ZMAT4: variants seen among roughly 807,000 people sequenced by gnomAD.
ZMAT4 encodes zinc finger matrin-type protein 4.
Under a neutral mutation model 28.7 loss-of-function variants are expected in ZMAT4, and 17 were observed. That is an observed-to-expected ratio of 0.59 (90% confidence interval 0.41 to 0.89). The LOEUF (loss-of-function observed/expected upper bound fraction) is 0.89. ZMAT4 is among the 40% of genes least tolerant of loss of function. The probability of loss-of-function intolerance (pLI) is 0.00; values close to 1 mark genes in which losing one functional copy is unlikely to be tolerated. For synonymous variants in ZMAT4, 117 were observed against 109.2 expected (o/e 1.07, Z -0.44); for missense variants, 240 against 283.8 (o/e 0.85, Z 1.11).
At chr8:40,571,337 T>C (rs1447615056) in intron 6 of ZMAT4, among the ~76,000 whole-genome samples, 2 of 152,252 alleles carry the variant, frequency 1.3e-5, no homozygotes, top group East Asian at 1.9e-4. Flanking sequence ...ATTGCCTATG[T>C]ATTAGTGCTG....
At position 40,566,528 on chromosome 8, in the gene ZMAT4, G is replaced by A. The variant is rs1313094947; in HGVS notation, c.674+14637C>T. On this transcript the variant is annotated intron_variant, in intron 6 of 6. Coordinates refer to ENST00000297737, the MANE Select transcript of ZMAT4 (RefSeq NM_024645.3). ...GACCTGATCTCTCCTTTCCATGGGA[G>A]GTGCATTTTTACTTTCAGGACTCTC... 2.0e-5 allele frequency among the ~76,000 whole-genome samples: 3 copies of A among 152,014 alleles called. No individual in the cohort carries two copies. In the East Asian group the frequency reaches 5.8e-4, roughly 29 times the overall value.
At chr8:40,788,389 C>T (rs947257111) in intron 2 of ZMAT4, among the ~76,000 whole-genome samples, 2 of 152,226 alleles carry the variant, frequency 1.3e-5, no homozygotes, top group South Asian at 4.1e-4. Flanking sequence ...TCGAGATCAT[C>T]CTGGCTAACA....
At chr8:40,719,814 G>GC (rs1156333731) in intron 3 of ZMAT4, among the ~76,000 whole-genome samples, 3 of 151,946 alleles carry the variant, frequency 2.0e-5, no homozygotes, top group East Asian at 3.9e-4. Context: ...CAGGTGATCT[G>GC]CCCCCCCTCA....
chr8:40,833,124 C>A (rs1414863475), intron 1 of ZMAT4, among the ~76,000 whole-genome samples: 2 of 152,192 alleles, frequency 1.3e-5, no homozygotes, highest in African/African-American at 4.8e-5. Context: ...CCTGCCAGTG[C>A]AGGAGCCTCA....
chr8:40,795,420 T>C (rs1814553512), intron 2 of ZMAT4, among the ~76,000 whole-genome samples: 1 of 152,212 alleles, frequency 6.6e-6, no homozygotes, highest in Non-Finnish European at 1.5e-5. Flanking sequence ...CACCAGACCA[T>C]GAGACTGTTT....
At chr8:40,694,161 G>A (rs370933442) in intron 4 of ZMAT4, among the ~76,000 whole-genome samples, 1 of 152,174 alleles carries the variant, frequency 6.6e-6, no homozygotes, top group Admixed American at 6.5e-5. Flanking sequence ...CAGCCACCAC[G>A]TGGAAGGTGA....
At chr8:40,641,812 C>A (rs1271930169) in intron 5 of ZMAT4, among the ~76,000 whole-genome samples, 1 of 152,086 alleles carries the variant, frequency 6.6e-6, no homozygotes. Context: ...CCTATTAGAT[C>A]TCTAGGATTT....
intron 3 of ZMAT4, among the ~76,000 whole-genome samples, chr8:40,700,036 A>C (rs769756566): frequency 2.0e-5 from 3 of 152,238 alleles, no homozygotes; most frequent in Non-Finnish European, 2.9e-5. Context: ...TAATGAATGA[A>C]AAATGGACTT....
intron 5 of ZMAT4, among the ~76,000 whole-genome samples, chr8:40,627,733 A>C (rs1387824565): frequency 6.6e-6 from 1 of 152,338 alleles, no homozygotes; most frequent in African/African-American, 2.4e-5. Flanking sequence ...TGAGAGAAGT[A>C]TCTTTTTTTC....
intron 5 of ZMAT4, among the ~76,000 whole-genome samples, chr8:40,612,102 A>G (rs1805821744): frequency 6.6e-6 from 1 of 152,204 alleles, no homozygotes; most frequent in Non-Finnish European, 1.5e-5. Flanking sequence ...GCTTTGTAAG[A>G]ATGAAGATAA....
chr8:40,628,403 C>T (rs1179975506), intron 5 of ZMAT4, among the ~76,000 whole-genome samples: 1 of 152,176 alleles, frequency 6.6e-6, no homozygotes, highest in Non-Finnish European at 1.5e-5. Context: ...TTCATTTTGT[C>T]TTCGTAATAA....
chr8:40,834,155 C>T (rs1305428734), intron 1 of ZMAT4, among the ~76,000 whole-genome samples: 5 of 152,206 alleles, frequency 3.3e-5, no homozygotes, highest in Admixed American at 6.5e-5. Flanking sequence ...ACCCCAGCCG[C>T]GGGCCGTGGA....
chr8:40,809,014 A>AT (rs1815208005), intron 2 of ZMAT4, among the ~76,000 whole-genome samples: 1 of 152,174 alleles, frequency 6.6e-6, no homozygotes, highest in African/African-American at 2.4e-5. Context: ...ATACACTAGT[A>AT]TGTTCACTGC....
chr8:40,558,764 C>G (rs965268137), intron 6 of ZMAT4, among the ~76,000 whole-genome samples: 1 of 151,890 alleles, frequency 6.6e-6, no homozygotes, highest in African/African-American at 2.4e-5. Flanking sequence ...TGAACGGGCT[C>G]CCGCTTCTTG....
intron 1 of ZMAT4, among the ~76,000 whole-genome samples, chr8:40,838,199 C>T (rs918477676): frequency 2.6e-5 from 4 of 152,220 alleles, no homozygotes; most frequent in African/African-American, 9.6e-5. Context: ...CCGTTCTTCA[C>T]GCCTTTTAGC....
chr8:40,644,171 A>G (rs1807190581), intron 5 of ZMAT4, among the ~76,000 whole-genome samples: 1 of 152,184 alleles, frequency 6.6e-6, no homozygotes, highest in African/African-American at 2.4e-5. Context: ...GCCATTTTAA[A>G]AAAATATTTG....
chr8:40,660,932 T>TA (rs2118853923), intron 5 of ZMAT4, among the ~76,000 whole-genome samples: 1 of 152,330 alleles, frequency 6.6e-6, no homozygotes, highest in Non-Finnish European at 1.5e-5. Context: ...ATCACAATGA[T>TA]ATGGACTTTT....
At chr8:40,628,288 C>T (rs968526368) in intron 5 of ZMAT4, among the ~76,000 whole-genome samples, 3 of 152,058 alleles carry the variant, frequency 2.0e-5, no homozygotes, top group African/African-American at 4.8e-5. Flanking sequence ...AGCGTTAAGA[C>T]GGTAATATAT....
At chr8:40,744,876 A>G (rs919810745) in intron 3 of ZMAT4, among the ~76,000 whole-genome samples, 4 of 152,260 alleles carry the variant, frequency 2.6e-5, no homozygotes, top group Admixed American at 2.0e-4. Context: ...AGGTGCTTTG[A>G]GAAATTTAGG....
Sources: allele counts gnomAD v4.1 joint callset (sites outside exome capture counted in the v4.1 genomes callset), GRCh38; gene constraint gnomAD v4.1.1; transcripts MANE v1.5; gene names NCBI Gene and HGNC (gene_info 2026-07-23, HGNC 2026-07-21).